RAPGEF6: variants seen among roughly 807,000 people sequenced by gnomAD.
RAPGEF6 encodes PDZ domain containing guanine nucleotide exchange factor (GEF) 2.
RAPGEF6 carries 56 observed loss-of-function variants against 171.4 expected under a neutral mutation model. The ratio of observed to expected loss-of-function variants is 0.33; its 90% CI spans 0.26 to 0.41. The LOEUF (loss-of-function observed/expected upper bound fraction) is 0.41, where lower values mean the gene tolerates loss of function less well. Among genes scored for constraint, RAPGEF6 ranks in the 10% least tolerant of loss-of-function variants. The probability of loss-of-function intolerance (pLI) is 1.00; values close to 1 mark genes in which losing one functional copy is unlikely to be tolerated. For synonymous variants in RAPGEF6, 692 were observed against 650.1 expected, an observed-to-expected ratio of 1.06 and a Z score of -0.98; for missense variants, 1,674 against 1,921.4, an observed-to-expected ratio of 0.87 and a Z score of 2.41.
Position 131,534,931 on chromosome 5 carries a change from C to T in RAPGEF6, c.495+13116G>A, listed in dbSNP as rs185040713. 2.6e-5 allele frequency among the ~76,000 whole-genome samples: 4 copies of T among 152,118 alleles called. No individual in the cohort carries two copies. In the East Asian group the frequency reaches 7.7e-4, roughly 29 times the overall value. Reference sequence around the variant, plus strand: ...CAAAATTTTAATGCACACCTTTCCCCCTTTTTATAAATCATGCTGATCAAC... The same window carrying T: ...CAAAATTTTAATGCACACCTTTCCCTCTTTTTATAAATCATGCTGATCAAC... On this transcript the variant is annotated intron_variant, in intron 6 of 27. Coordinates refer to ENST00000509018, the MANE Select transcript of RAPGEF6 (RefSeq NM_016340.6).
intron 23 of RAPGEF6, among the ~76,000 whole-genome samples, chr5:131,440,737 C>CAAAAAAAAA (rs1168441695): frequency 4.7e-3 from 309 of 66,332 alleles, no homozygotes; most frequent in Non-Finnish European, 6.8e-3. Context: ...GACTCTGTCT[C>CAAAAAAAAA]AAAAAAAAAA....
chr5:131,489,272 A>G (rs1756125024), intron 15 of RAPGEF6, among the ~76,000 whole-genome samples: 1 of 152,226 alleles, frequency 6.6e-6, no homozygotes, highest in South Asian at 2.1e-4. Context: ...GTATCCCTCC[A>G]GCAGAGTACA....
chr5:131,529,184 A>C (rs897564506), intron 6 of RAPGEF6, among the ~76,000 whole-genome samples: 2 of 152,118 alleles, frequency 1.3e-5, no homozygotes, highest in African/African-American at 4.8e-5. Context: ...GCAATTAAAA[A>C]ACAACAACAG....
chr5:131,545,653 T>C (rs1760474918), intron 6 of RAPGEF6, among the ~76,000 whole-genome samples: 1 of 152,220 alleles, frequency 6.6e-6, no homozygotes, highest in Non-Finnish European at 1.5e-5. Flanking sequence ...TGTTACATAA[T>C]TGGTAGCATT....
chr5:131,623,864 G>A (rs1353779774), intron 1 of RAPGEF6, among the ~76,000 whole-genome samples: 1 of 152,166 alleles, frequency 6.6e-6, no homozygotes, highest in Non-Finnish European at 1.5e-5. Flanking sequence ...ATGAACACTG[G>A]GAGATAAGGG....
intron 1 of RAPGEF6, among the ~76,000 whole-genome samples, chr5:131,619,396 C>T (rs1765476233): frequency 6.6e-6 from 1 of 152,114 alleles, no homozygotes; most frequent in Admixed American, 6.5e-5. Flanking sequence ...TACGGCAAAC[C>T]ACCATGGCAT....
At chr5:131,469,416 CAATT>C (rs1754596184) in intron 17 of RAPGEF6, among the ~76,000 whole-genome samples, 3 of 151,856 alleles carry the variant, frequency 2.0e-5, no homozygotes, top group Admixed American at 2.0e-4. Flanking sequence ...TGAAATAAAT[CAATT>C]AAGGGTTTGG....
intron 6 of RAPGEF6, among the ~76,000 whole-genome samples, chr5:131,544,912 A>T (rs1453396527): frequency 6.6e-6 from 1 of 152,132 alleles, no homozygotes; most frequent in African/African-American, 2.4e-5. Context: ...TGAACTCCTG[A>T]CCTCAAGTGA....
At chr5:131,602,305 A>C (rs889191588) in intron 3 of RAPGEF6, among the ~76,000 whole-genome samples, 2 of 152,206 alleles carry the variant, frequency 1.3e-5, no homozygotes, top group Non-Finnish European at 2.9e-5. Flanking sequence ...TACTCTACTG[A>C]ATACTGCAGG....
intron 27 of RAPGEF6, among the ~76,000 whole-genome samples, chr5:131,428,254 A>G (rs1460149012): frequency 6.6e-6 from 1 of 151,736 alleles, no homozygotes; most frequent in Non-Finnish European, 1.5e-5. Flanking sequence ...ACAAAGGAAA[A>G]ATTTAACAAT....
chr5:131,600,663 GA>G (rs978008014), intron 3 of RAPGEF6, among the ~76,000 whole-genome samples: 4 of 149,722 alleles, frequency 2.7e-5, no homozygotes, highest in African/African-American at 9.8e-5. Context: ...AGGAAGGAAG[GA>G]AAAAAAGAAA....
In RAPGEF6 at chr5:131,431,089, G is replaced by A. The variant is rs1227716466; in HGVS notation, c.4235C>T (p.Ser1412Phe). The A allele has an allele frequency of 6.2e-6, 10 of 1,614,146 alleles. No homozygotes were observed. Among genetic ancestry groups the A allele is most frequent in the South Asian group, 2.2e-5 (2 of 91,080 alleles). ...EVEPTDSEPY[S>F]CSKSCSRTCG... is the part of the protein sequence containing the mutation. Reference sequence around the variant, plus strand: ...AGTTCTAGAGCAGCTTTTAGAACAGGAATAGGGCTCAGAGTCAGTGGGTTC... The same window carrying A: ...AGTTCTAGAGCAGCTTTTAGAACAGAAATAGGGCTCAGAGTCAGTGGGTTC... Residue 1412 changes from serine to phenylalanine, a missense_variant, in exon 26 of 28, where the codon TCC becomes TTC. Ser to Phe is a radical substitution (Grantham distance 155). Around this residue, in one of 3 missense-constraint regions of RAPGEF6, gnomAD observed 552 missense variants for 574.2 expected, o/e 0.96. Coordinates refer to ENST00000509018, the MANE Select transcript of RAPGEF6 (RefSeq NM_016340.6).
rs138307131 is a variant in RAPGEF6 at position 131,523,793 on chromosome 5, A to AAAACAAAC, written c.496-2280_496-2273dup. On this transcript the variant is annotated intron_variant, in intron 6 of 27. Coordinates refer to ENST00000509018, the MANE Select transcript of RAPGEF6 (RefSeq NM_016340.6). ...GTTTAAAAACTCCCAGCAAGATAAAAAAACAAACAAACAAACAAAAAACCC... is the reference window on the plus strand; with the variant it reads ...GTTTAAAAACTCCCAGCAAGATAAAAAAACAAACAAACAAACAAACAAACAAAAAACCC... Among the ~76,000 whole-genome samples the AAAACAAAC allele has an allele frequency of 1.0e-3, 157 of 150,990 alleles. 1 individual carries two copies. Among genetic ancestry groups the AAAACAAAC allele is most frequent in the Middle Eastern group, 3.4e-3 (1 of 292 alleles).
At chr5:131,432,598 A>G (rs1252965961) in intron 25 of RAPGEF6, among the ~76,000 whole-genome samples, 2 of 152,116 alleles carry the variant, frequency 1.3e-5, no homozygotes, top group African/African-American at 4.8e-5. Flanking sequence ...AGCCTGGGCA[A>G]CAAGAGTGAC....
At chr5:131,471,990 G>T (rs1490678224) in intron 17 of RAPGEF6, 1 of 153,384 alleles carries the variant, frequency 6.5e-6, no homozygotes, top group Non-Finnish European at 1.4e-5. Flanking sequence ...CCTGAGAAGT[G>T]TCTCTGTTTT....
At position 131,635,096 on chromosome 5, in the gene RAPGEF6, T is replaced by C. The variant is rs770919545; in HGVS notation, c.-66A>G. 5.4e-6 allele frequency: 8 copies of C among 1,475,896 alleles called. No individual in the cohort carries two copies. Among genetic ancestry groups the C allele is most frequent in the South Asian group, 1.3e-5 (1 of 78,810 alleles). The allele number at this position is 1,475,896 out of a possible 1,614,324, so 91.4% of individuals were successfully genotyped here. A position where few individuals can be genotyped will look rare whatever the true frequency, so the allele number is the denominator to read the frequency against. ...CACGCCACAGTTCATTCACACTAGGTAGCGGGTGCGGTACCTTTCCCCCGC... is the reference window on the plus strand; with the variant it reads ...CACGCCACAGTTCATTCACACTAGGCAGCGGGTGCGGTACCTTTCCCCCGC... On this transcript the variant is annotated 5_prime_UTR_variant, in exon 1 of 28. Transcript: ENST00000509018.
intron 4 of RAPGEF6, among the ~76,000 whole-genome samples, chr5:131,587,045 G>A (rs1475862247): frequency 1.3e-5 from 2 of 152,164 alleles, no homozygotes; most frequent in South Asian, 4.1e-4. Context: ...CAATCTGCCA[G>A]GTGGGAAGCA....
chr5:131,600,325 C>A (rs1764152562), intron 3 of RAPGEF6, among the ~76,000 whole-genome samples: 1 of 152,106 alleles, frequency 6.6e-6, no homozygotes, highest in Non-Finnish European at 1.5e-5. Flanking sequence ...AGTTCAAGAC[C>A]AGCCTGGCCA....
At chr5:131,433,386 C>G in intron 25 of RAPGEF6, 44 bp downstream of exon 25, 3 of 1,558,832 alleles carry the variant, frequency 1.9e-6, no homozygotes, top group Non-Finnish European at 2.7e-6. Context: ...GCAGTGGCCA[C>G]TTGGCTTGGG....
Sources: allele counts gnomAD v4.1 joint callset (sites outside exome capture counted in the v4.1 genomes callset), GRCh38; gene constraint gnomAD v4.1.1; regional missense constraint gnomAD v4.1.1; transcripts MANE v1.5; gene names NCBI Gene and HGNC (gene_info 2026-07-23, HGNC 2026-07-21).